Variants in RIMS1 observed in about 807,000 individuals in gnomAD.
RIMS1 encodes regulating synaptic membrane exocytosis 1.
RIMS1 carries 83 observed loss-of-function variants against 214.1 expected under a neutral mutation model. The ratio of observed to expected loss-of-function variants is 0.39; its 90% CI spans 0.32 to 0.47. The LOEUF (loss-of-function observed/expected upper bound fraction) is 0.47, where lower values mean the gene tolerates loss of function less well. RIMS1 is among the 20% of genes least tolerant of loss of function. RIMS1 has a pLI of 0.99. For synonymous variants in RIMS1, 793 were observed against 786.8 expected (o/e 1.01, Z -0.13); for missense variants, 2,050 against 2,161.8 (o/e 0.95, Z 1.03).
chr6:72,265,456 A>C lies in RIMS1; in HGVS notation c.3261A>C (p.Glu1087Asp). 1 of 1,609,752 alleles carries C rather than the reference A, an allele frequency of 6.2e-7. No individual in the cohort carries two copies. Among genetic ancestry groups the C allele is most frequent in the Middle Eastern group, 1.7e-4 (1 of 6,040 alleles). The change falls in exon 21 of 34, where the codon GAA (glutamate) becomes GAC (aspartate). Residue 1087 changes from glutamate (E) to aspartate (D), a missense_variant. Glu to Asp is a conservative substitution (Grantham distance 45, BLOSUM62 2). Coordinates refer to ENST00000521978, the MANE Select transcript of RIMS1 (RefSeq NM_014989.7). Reference protein sequence around the residue: ...VTRQDISLHHECFNSTVLRFT... With the variant: ...VTRQDISLHHDCFNSTVLRFT... Reference sequence around the variant, plus strand: ...GACAGGACATTTCCCTTCATCATGAATGCTTTAACTCAACAGTATTGAGAT... The same window carrying C: ...GACAGGACATTTCCCTTCATCATGACTGCTTTAACTCAACAGTATTGAGAT...
chr6:71,901,809 A>G (rs1582139907), intron 1 of RIMS1, among the ~76,000 whole-genome samples: 1 of 152,174 alleles, frequency 6.6e-6, no homozygotes, highest in Non-Finnish European at 1.5e-5. Flanking sequence ...TGAATTCTGC[A>G]GAGACATCAA....
intron 2 of RIMS1, among the ~76,000 whole-genome samples, chr6:72,035,432 G>C (rs989728526): frequency 6.6e-6 from 1 of 152,012 alleles, no homozygotes; most frequent in African/African-American, 2.4e-5. Context: ...TGTAGGGTTG[G>C]TGCTTTAATG....
intron 27 of RIMS1, among the ~76,000 whole-genome samples, chr6:72,310,629 C>T (rs1036941229): frequency 2.0e-5 from 3 of 152,108 alleles, no homozygotes; most frequent in Admixed American, 1.3e-4. Flanking sequence ...TTATTTCTCT[C>T]ACATCAATGA....
chr6:72,146,149 T>C (rs1290825246), intron 4 of RIMS1, among the ~76,000 whole-genome samples: 2 of 152,220 alleles, frequency 1.3e-5, no homozygotes, highest in Non-Finnish European at 2.9e-5. Context: ...TCATGAGTCC[T>C]GAACATTTTT....
intron 21 of RIMS1, 120 bp from the exon 22 acceptor site, chr6:72,265,840 G>C (rs2080269106): frequency 1.5e-6 from 1 of 683,956 alleles, no homozygotes; most frequent in South Asian, 1.9e-5. Flanking sequence ...CTGAATCCCA[G>C]TGATTCTACA....
intron 28 of RIMS1, among the ~76,000 whole-genome samples, chr6:72,318,198 A>G (rs1013326337): frequency 1.3e-5 from 2 of 152,060 alleles, no homozygotes; most frequent in African/African-American, 4.8e-5. Flanking sequence ...TAGCTTATCA[A>G]TTTGCATTTA....
chr6:71,934,095 C>A (rs964280456), intron 1 of RIMS1, among the ~76,000 whole-genome samples: 4 of 152,030 alleles, frequency 2.6e-5, no homozygotes, highest in Non-Finnish European at 5.9e-5. Flanking sequence ...GCAGAAGATC[C>A]GGGATGTGGG....
At chr6:71,986,983 A>G (rs959794012) in intron 2 of RIMS1, among the ~76,000 whole-genome samples, 1 of 151,960 alleles carries the variant, frequency 6.6e-6, no homozygotes, top group Non-Finnish European at 1.5e-5. Flanking sequence ...GCGTTTACAG[A>G]GTATTTGGAG....
At chr6:72,091,614 A>T (rs549730509) in intron 2 of RIMS1, among the ~76,000 whole-genome samples, 2 of 152,138 alleles carry the variant, frequency 1.3e-5, no homozygotes, top group Non-Finnish European at 2.9e-5. Flanking sequence ...CACCCAAACA[A>T]CTTTTTTACA....
intron 12 of RIMS1, among the ~76,000 whole-genome samples, chr6:72,249,513 G>A (rs1434321071): frequency 6.6e-6 from 1 of 152,082 alleles, no homozygotes; most frequent in East Asian, 1.9e-4. Flanking sequence ...TTAAATGACG[G>A]CTTGGTGCAG....
At chr6:72,178,347 GT>G (rs2047990711) in intron 4 of RIMS1, among the ~76,000 whole-genome samples, 1 of 151,970 alleles carries the variant, frequency 6.6e-6, no homozygotes, top group Admixed American at 6.6e-5. Flanking sequence ...TACAGTTACA[GT>G]TTTTCCCCAT....
At chr6:72,156,575 G>C (rs2044475223) in intron 4 of RIMS1, among the ~76,000 whole-genome samples, 1 of 140,002 alleles carries the variant, frequency 7.1e-6, no homozygotes, top group Non-Finnish European at 1.6e-5. Flanking sequence ...CTGAATAATA[G>C]TGTATTGTAT....
intron 22 of RIMS1, among the ~76,000 whole-genome samples, chr6:72,272,194 A>C (rs1230292145): frequency 6.6e-6 from 1 of 152,322 alleles, no homozygotes; most frequent in South Asian, 2.1e-4. Context: ...AGTTGAAGCT[A>C]TGTATATTTC....
intron 1 of RIMS1, among the ~76,000 whole-genome samples, chr6:71,951,023 A>G (rs978822004): frequency 6.6e-6 from 1 of 151,744 alleles, no homozygotes; most frequent in African/African-American, 2.4e-5. Context: ...CTTGGCATTT[A>G]AATTCTTTCT....
chr6:72,398,979 T>G lies in RIMS1; in HGVS notation c.4745T>G (p.Leu1582Trp), dbSNP rs1330551457. ...TPAPYVKVYL[L>W]ENGACIAKKK... ...GCTCCATATGTCAAAGTATATCTTTTGGAAAATGGGGCCTGTATAGCCAAG... is the reference window on the plus strand; with the variant it reads ...GCTCCATATGTCAAAGTATATCTTTGGGAAAATGGGGCCTGTATAGCCAAG... Residue 1582 changes from leucine to tryptophan, a missense_variant, in exon 33 of 34, where the codon TTG becomes TGG. Around this residue, in one of 6 missense-constraint regions of RIMS1, gnomAD observed 121 missense variants for 187.3 expected, o/e 0.65. Transcript: ENST00000521978. The G allele has an allele frequency of 6.2e-7, 1 of 1,603,366 alleles. No individual in the cohort carries two copies. The highest frequency in any genetic ancestry group is 8.5e-7 in the Non-Finnish European group (1 of 1,171,236).
At chr6:72,024,114 C>T (rs185887442) in intron 2 of RIMS1, among the ~76,000 whole-genome samples, 15 of 152,222 alleles carry the variant, frequency 9.9e-5, no homozygotes, top group Admixed American at 2.6e-4. Flanking sequence ...GGTGAACTTA[C>T]GAAGCAAAGT....
rs2047291725 is a variant in RIMS1 at position 72,173,415 on chromosome 6, T to G, written c.472-6160T>G. On this transcript the variant is annotated intron_variant, in intron 4 of 33. Transcript: ENST00000521978. ...CAACTTTATTCCCCTCCATATTTTG[T>G]TCTTTTTTTCTAGAACTTTTATCTC... 2.0e-5 allele frequency among the ~76,000 whole-genome samples: 3 copies of G among 152,138 alleles called. No individual in the cohort carries two copies. In the South Asian group the frequency reaches 6.2e-4, roughly 31 times the overall value.
At chr6:72,264,072 T>C in intron 19 of RIMS1, 1 of 819,224 alleles carries the variant, frequency 1.2e-6, no homozygotes, top group Non-Finnish European at 1.5e-6. Context: ...GATTTGATCA[T>C]TAATATAAAC....
intron 29 of RIMS1, among the ~76,000 whole-genome samples, chr6:72,385,738 A>G (rs2098588049): frequency 1.3e-5 from 2 of 152,234 alleles, no homozygotes; most frequent in East Asian, 3.8e-4. Flanking sequence ...AATTTGTTGC[A>G]TGAATTCTGT....
Sources: gnomAD v4.1 joint callset for allele counts (sites outside exome capture counted in the v4.1 genomes callset) on GRCh38, gnomAD v4.1.1 for gene constraint, gnomAD v4.1.1 regional missense constraint, MANE v1.5 for transcripts, NCBI Gene and HGNC (gene_info 2026-07-23, HGNC 2026-07-21) for gene names.